The following CRPPA variants were observed in gnomAD, a reference collection of about 807,000 sequenced individuals.
The protein encoded by CRPPA is CDP-L-ribitol pyrophosphorylase A, also known as D-ribitol-5-phosphate cytidylyltransferase.
Under a neutral mutation model 52.0 loss-of-function variants are expected in CRPPA, and 43 were observed. The observed-to-expected ratio is 0.83, with a 90% CI of 0.65 to 1.07. The LOEUF (loss-of-function observed/expected upper bound fraction) is 1.07. Ranked by LOEUF, CRPPA falls within the 50% of genes least tolerant of loss-of-function variation. The probability of loss-of-function intolerance (pLI) is 0.00; values close to 1 mark genes in which losing one functional copy is unlikely to be tolerated. For missense variants in CRPPA, 629 were observed against 551.7 expected, an observed-to-expected ratio of 1.14 and a Z score of -1.40; for synonymous variants, 250 against 203.5, an observed-to-expected ratio of 1.23 and a Z score of -1.94.
At chr7:16,101,300 G>A (rs1782039453) in intron 9 of CRPPA, among the ~76,000 whole-genome samples, 1 of 152,052 alleles carries the variant, frequency 6.6e-6, no homozygotes, top group South Asian at 2.1e-4. Context: ...TTTTTGGTTG[G>A]TAGGCTACCA....
intron 3 of CRPPA, among the ~76,000 whole-genome samples, chr7:16,340,289 C>T (rs1785788926): frequency 1.3e-5 from 2 of 151,770 alleles, no homozygotes; most frequent in South Asian, 4.2e-4. Flanking sequence ...TAGAAGACAC[C>T]ATAAAGAAAA....
intron 3 of CRPPA, among the ~76,000 whole-genome samples, chr7:16,311,884 A>G (rs1785041531): frequency 6.6e-6 from 1 of 152,076 alleles, no homozygotes; most frequent in African/African-American, 2.4e-5. Flanking sequence ...AATCTTTGCT[A>G]TATTGTATAT....
At chr7:16,237,758 T>C (rs1221569483) in intron 8 of CRPPA, among the ~76,000 whole-genome samples, 1 of 152,220 alleles carries the variant, frequency 6.6e-6, no homozygotes, top group Non-Finnish European at 1.5e-5. Flanking sequence ...ACTTCAAACT[T>C]AGAAGGCCCA....
chr7:16,269,916 A>T (rs1022746972), intron 6 of CRPPA: 1 of 152,206 alleles, frequency 6.6e-6, no homozygotes, highest in South Asian at 2.1e-4. Context: ...AAAATTAATG[A>T]CATGAAGTGA....
intron 1 of CRPPA, among the ~76,000 whole-genome samples, chr7:16,407,149 T>C (rs1421783143): frequency 6.6e-6 from 1 of 152,174 alleles, no homozygotes; most frequent in Non-Finnish European, 1.5e-5. Context: ...CTAGTGTTTG[T>C]ATTTTTTTAG....
intron 3 of CRPPA, among the ~76,000 whole-genome samples, chr7:16,343,732 A>G (rs192731423): frequency 1.9e-4 from 29 of 152,288 alleles, no homozygotes; most frequent in Admixed American, 1.8e-3. Context: ...CTATTCCTGG[A>G]AAACTAGAAA....
intron 9 of CRPPA, among the ~76,000 whole-genome samples, chr7:16,150,179 G>A (rs1269067336): frequency 6.6e-6 from 1 of 151,976 alleles, no homozygotes; most frequent in Admixed American, 6.6e-5. Context: ...TTTTAAATGA[G>A]CAAAATGCCT....
At chr7:16,156,173 A>C (rs999961238) in intron 9 of CRPPA, among the ~76,000 whole-genome samples, 2 of 152,054 alleles carry the variant, frequency 1.3e-5, no homozygotes, top group Middle Eastern at 6.9e-3. Flanking sequence ...CTTAAAAAGA[A>C]GTGTGTTTGG....
chr7:16,352,494 T>A (rs1367441397), intron 3 of CRPPA, among the ~76,000 whole-genome samples: 1 of 151,964 alleles, frequency 6.6e-6, no homozygotes, highest in Non-Finnish European at 1.5e-5. Flanking sequence ...CCAGATATAT[T>A]TGAAAAGAAA....
At chr7:16,340,988 G>A (rs1421385923) in intron 3 of CRPPA, among the ~76,000 whole-genome samples, 1 of 152,102 alleles carries the variant, frequency 6.6e-6, no homozygotes, top group Non-Finnish European at 1.5e-5. Context: ...CTGAGTGAAA[G>A]CATCCAATCT....
chr7:16,379,643 C>A (rs890998740), intron 2 of CRPPA, among the ~76,000 whole-genome samples: 1 of 152,008 alleles, frequency 6.6e-6, no homozygotes, highest in African/African-American at 2.4e-5. Flanking sequence ...TCTTCCATTT[C>A]TTTGTATCCT....
intron 9 of CRPPA, among the ~76,000 whole-genome samples, chr7:16,181,268 T>A (rs1161298479): frequency 6.6e-6 from 1 of 151,866 alleles, no homozygotes; most frequent in African/African-American, 2.4e-5. Context: ...AGGAAAAAAA[T>A]TATATACTAA....
chr7:16,171,931 T>C (rs1781195610), intron 9 of CRPPA, among the ~76,000 whole-genome samples: 1 of 152,226 alleles, frequency 6.6e-6, no homozygotes, highest in Non-Finnish European at 1.5e-5. Flanking sequence ...AATTGTGATA[T>C]AAATATTTTC....
At chr7:16,094,925 A>C (rs1020188340) in intron 9 of CRPPA, among the ~76,000 whole-genome samples, 3 of 152,152 alleles carry the variant, frequency 2.0e-5, no homozygotes, top group Non-Finnish European at 2.9e-5. Flanking sequence ...AACTAAAAGT[A>C]ACATGGGGTA....
intron 3 of CRPPA, among the ~76,000 whole-genome samples, chr7:16,360,383 G>A (rs1192744719): frequency 6.6e-6 from 1 of 152,102 alleles, no homozygotes; most frequent in African/African-American, 2.4e-5. Context: ...ATTACATTAA[G>A]GAGTACTTTA....
At chr7:16,215,319 A>G (rs950174116) in intron 9 of CRPPA, among the ~76,000 whole-genome samples, 2 of 152,334 alleles carry the variant, frequency 1.3e-5, no homozygotes, top group Admixed American at 1.3e-4. Flanking sequence ...CACAAATCCA[A>G]TGAAAGCTAT....
chr7:16,238,039 A>G (rs1231156129), intron 8 of CRPPA, among the ~76,000 whole-genome samples: 1 of 152,190 alleles, frequency 6.6e-6, no homozygotes, highest in East Asian at 1.9e-4. Flanking sequence ...GAAAGGGACC[A>G]GGGAATTTGT....
intron 9 of CRPPA, among the ~76,000 whole-genome samples, chr7:16,200,127 G>C (rs1781818548): frequency 6.6e-6 from 1 of 152,124 alleles, no homozygotes; most frequent in Non-Finnish European, 1.5e-5. Flanking sequence ...CAAAGTGCTG[G>C]AATTAAAGGC....
At chr7:16,159,911 T>A (rs975160448) in intron 9 of CRPPA, among the ~76,000 whole-genome samples, 1 of 152,196 alleles carries the variant, frequency 6.6e-6, no homozygotes, top group African/African-American at 2.4e-5. Context: ...CTCATTGTGG[T>A]TTTGATTTGC....
Sources: allele counts gnomAD v4.1 joint callset (sites outside exome capture counted in the v4.1 genomes callset), GRCh38; gene constraint gnomAD v4.1.1; transcripts MANE v1.5; gene names NCBI Gene and HGNC (gene_info 2026-07-23, HGNC 2026-07-21).